The following PFDN1 variants were observed in gnomAD, a reference collection of about 807,000 sequenced individuals.
The protein encoded by PFDN1 is prefoldin 1.
Under a neutral mutation model 17.3 loss-of-function variants are expected in PFDN1, and 6 were observed. The observed-to-expected ratio is 0.35, with a 90% confidence interval of 0.19 to 0.69. PFDN1 has a LOEUF of 0.69. Ranked by LOEUF, PFDN1 falls within the 30% of genes least tolerant of loss-of-function variation. The probability of loss-of-function intolerance (pLI) is 0.65; values close to 1 mark genes in which losing one functional copy is unlikely to be tolerated. For synonymous variants in PFDN1, 58 were observed against 50.1 expected, an observed-to-expected ratio of 1.16 and a Z score of -0.67; for missense variants, 113 against 146.2, an observed-to-expected ratio of 0.77 and a Z score of 1.17.
chr5:140,261,898 AG>A (rs1311139931), intron 3 of PFDN1, among the ~76,000 whole-genome samples: 1 of 151,950 alleles, frequency 6.6e-6, no homozygotes, highest in African/African-American at 2.4e-5. Context: ...AGGGTGATGC[AG>A]GGCTCAGATC....
At chr5:140,260,442 A>C (rs1470627948) in intron 3 of PFDN1, among the ~76,000 whole-genome samples, 1 of 152,008 alleles carries the variant, frequency 6.6e-6, no homozygotes, top group Non-Finnish European at 1.5e-5. Context: ...AACAACCTAA[A>C]TGTCCATCAA....
At chr5:140,269,205 GT>G (rs1277019462) in intron 3 of PFDN1, among the ~76,000 whole-genome samples, 2 of 152,010 alleles carry the variant, frequency 1.3e-5, no homozygotes, top group African/African-American at 4.8e-5. Flanking sequence ...TAGAGATGAG[GT>G]CTCACTTTGT....
At chr5:140,284,800 C>T (rs932896345) in intron 2 of PFDN1, among the ~76,000 whole-genome samples, 1 of 152,232 alleles carries the variant, frequency 6.6e-6, no homozygotes, top group Non-Finnish European at 1.5e-5. Flanking sequence ...CTTCTTTGAC[C>T]TGGAAATCAG....
At chr5:140,285,987 A>AT (rs201654726) in intron 2 of PFDN1, among the ~76,000 whole-genome samples, 50 of 152,194 alleles carry the variant, frequency 3.3e-4, no homozygotes, top group Non-Finnish European at 6.8e-4. Context: ...AAATAAATAA[A>AT]TTTTTTTAAA....
intron 2 of PFDN1, 47 bp from the exon 3 acceptor site, chr5:140,281,580 T>G: frequency 1.1e-6 from 1 of 920,852 alleles, no homozygotes; most frequent in Non-Finnish European, 1.8e-6. Flanking sequence ...GACTATTGAA[T>G]TCATCGAAAT....
rs1018969885 is a variant in PFDN1 at position 140,254,222 on chromosome 5, G to A, written c.286-8165C>T. On this transcript the variant is annotated intron_variant, in intron 3 of 3. Transcript: ENST00000261813. This position sits in a 1 kb window ranked among gnomAD's most constrained non-coding sequence, Gnocchi z 4.4. ...CACAGAAACAGGCAGTGGGCTGGACGGGGCAGGCGGTGGTTTGCCAGTGTC... is the reference window on the plus strand; with the variant it reads ...CACAGAAACAGGCAGTGGGCTGGACAGGGCAGGCGGTGGTTTGCCAGTGTC... Among the ~76,000 whole-genome samples, 6 of 152,174 alleles carry A rather than the reference G, an allele frequency of 3.9e-5. No individual in the cohort carries two copies. The highest frequency in any genetic ancestry group is 2.0e-4 in the Admixed American group (3 of 15,278).
chr5:140,296,877 A>T (rs1364542018), intron 2 of PFDN1, among the ~76,000 whole-genome samples: 2 of 152,220 alleles, frequency 1.3e-5, no homozygotes, highest in Non-Finnish European at 2.9e-5. Context: ...CTGGAAAAAG[A>T]AAGTGGTGGG....
chr5:140,297,341 C>T (rs1403773997), intron 2 of PFDN1, among the ~76,000 whole-genome samples: 2 of 152,128 alleles, frequency 1.3e-5, no homozygotes, highest in African/African-American at 2.4e-5. Flanking sequence ...CAAAATTACT[C>T]GACTATAAAT....
chr5:140,286,833 G>A (rs552273885), intron 2 of PFDN1, among the ~76,000 whole-genome samples: 2 of 152,184 alleles, frequency 1.3e-5, no homozygotes, highest in African/African-American at 2.4e-5. Flanking sequence ...TCGAACTCCT[G>A]ACCTCAGGGG....
At chr5:140,276,085 T>C (rs934032127) in intron 3 of PFDN1, among the ~76,000 whole-genome samples, 3 of 151,880 alleles carry the variant, frequency 2.0e-5, no homozygotes, top group South Asian at 2.1e-4. Flanking sequence ...TAAAATGAAG[T>C]AGATTAGACT....
In PFDN1 at chr5:140,303,064, G is replaced by A. The variant is rs777796619; in HGVS notation, c.10C>T (p.Pro4Ser). 21 of 1,613,094 alleles carry A rather than the reference G, an allele frequency of 1.3e-5. No homozygotes were observed. The South Asian group carries it at 2.0e-4, about 15-fold the overall frequency. MAA[P>S]VDLELKKAFT... ...ACCTTCTTCAGCTCTAGATCCACGG[G>A]GGCGGCCATCTTGGTGCACTGTAAG... Residue 4 changes from proline (P) to serine (S), a missense_variant, in exon 1 of 4, where the codon CCC becomes TCC. Transcript: ENST00000261813.
intron 1 of PFDN1, 28 bp downstream of exon 1, chr5:140,303,013 C>T: frequency 6.4e-7 from 1 of 1,562,860 alleles, no homozygotes; most frequent in Non-Finnish European, 8.8e-7. Context: ...AAAAAGAAGA[C>T]CTCCGCCTGC....
At chr5:140,259,785 C>T (rs1233189191) in intron 3 of PFDN1, among the ~76,000 whole-genome samples, 1 of 152,140 alleles carries the variant, frequency 6.6e-6, no homozygotes, top group Non-Finnish European at 1.5e-5. Context: ...GTGGCTAGAG[C>T]CTAAAGTCAA....
At chr5:140,249,651 A>G (rs1581079861) in intron 3 of PFDN1, among the ~76,000 whole-genome samples, 1 of 152,198 alleles carries the variant, frequency 6.6e-6, no homozygotes, top group African/African-American at 2.4e-5. Flanking sequence ...CTATACAAGC[A>G]TGGTGCAGCA....
chr5:140,272,505 G>A (rs577520917), intron 3 of PFDN1, among the ~76,000 whole-genome samples: 8 of 151,108 alleles, frequency 5.3e-5, no homozygotes, highest in Middle Eastern at 3.4e-3. Flanking sequence ...GATTACAGGC[G>A]CCCACCACCA....
At chr5:140,264,064 G>A (rs980248176) in intron 3 of PFDN1, among the ~76,000 whole-genome samples, 6 of 110,266 alleles carry the variant, frequency 5.4e-5, no homozygotes, top group East Asian at 2.3e-4. Context: ...AAAAAATCAC[G>A]GTAGAAGGCA....
chr5:140,255,501 T>C (rs1581082167), intron 3 of PFDN1, among the ~76,000 whole-genome samples: 2 of 152,140 alleles, frequency 1.3e-5, no homozygotes, highest in Non-Finnish European at 2.9e-5. Context: ...CAGCTGGGCA[T>C]GGTGGTGCAT....
chr5:140,268,286 T>G (rs1765160439), intron 3 of PFDN1, among the ~76,000 whole-genome samples: 1 of 152,082 alleles, frequency 6.6e-6, no homozygotes, highest in Admixed American at 6.6e-5. Context: ...ATGGTGTAAC[T>G]GTTTGCATCA....
At chr5:140,257,128 C>G (rs994679032) in intron 3 of PFDN1, among the ~76,000 whole-genome samples, 3 of 151,406 alleles carry the variant, frequency 2.0e-5, no homozygotes, top group African/African-American at 7.3e-5. Flanking sequence ...GAGGCTGAGG[C>G]AGGAGAATCG....
Sources: gnomAD v4.1 joint callset for allele counts (sites outside exome capture counted in the v4.1 genomes callset) on GRCh38, gnomAD v4.1.1 for gene constraint, Gnocchi (gnomAD v3.1) non-coding constraint, MANE v1.5 for transcripts, NCBI Gene and HGNC (gene_info 2026-07-23, HGNC 2026-07-21) for gene names.